PHF21B: variants seen among roughly 807,000 people sequenced by gnomAD.
PHF21B encodes PHD finger protein 21B, also known as PHD finger protein 4.
A neutral mutation model predicts 62.2 loss-of-function variants in PHF21B; 22 were observed. That is an observed-to-expected ratio of 0.35 (90% CI 0.25 to 0.51). The LOEUF is 0.51. Ranked by LOEUF, PHF21B falls within the 20% of genes least tolerant of loss-of-function variation. The pLI is 0.97. For missense variants in PHF21B, 701 were observed against 707.9 expected (o/e 0.99, Z 0.11); for synonymous variants, 341 against 314.7 (o/e 1.08, Z -0.88).
chr22:44,969,379 G>T (rs909773193), intron 2 of PHF21B, among the ~76,000 whole-genome samples: 124 of 152,338 alleles, frequency 8.1e-4, no homozygotes, highest in African/African-American at 2.6e-3. Flanking sequence ...CTGAAAAATG[G>T]AGCCGGCCGG....
Position 44,893,536 on chromosome 22 carries a change from G to T in PHF21B, c.884-3C>A. ...CTCCTGTCGCTTGCTCTGGATTTCT[G>T]GAAAGGCACAGACACAGCAGTTACT... On this transcript the variant is annotated splice_region_variant and splice_polypyrimidine_tract_variant and intron_variant, in intron 6 of 12. Coordinates refer to ENST00000313237, the MANE Select transcript of PHF21B (RefSeq NM_138415.5). The T allele has an allele frequency of 6.3e-7, 1 of 1,596,802 alleles. No individual in the cohort carries two copies. Among genetic ancestry groups the T allele is most frequent in the Admixed American group, 1.7e-5 (1 of 57,660 alleles).
At chr22:44,906,029 C>T (rs992386564) in intron 5 of PHF21B, among the ~76,000 whole-genome samples, 1 of 152,228 alleles carries the variant, frequency 6.6e-6, no homozygotes. Context: ...GTCAACTTGT[C>T]TCTTACCCAA....
intron 2 of PHF21B, among the ~76,000 whole-genome samples, chr22:44,978,605 C>T (rs942303507): frequency 2.6e-5 from 4 of 152,218 alleles, no homozygotes; most frequent in South Asian, 4.1e-4. Context: ...GTGATCCACC[C>T]GCCTCGGTCT....
At chr22:44,932,043 T>C (rs994496574) in intron 2 of PHF21B, among the ~76,000 whole-genome samples, 3 of 152,154 alleles carry the variant, frequency 2.0e-5, no homozygotes, top group African/African-American at 7.2e-5. Flanking sequence ...GACGCAGCCT[T>C]GAGGCCTTGG....
intron 10 of PHF21B, among the ~76,000 whole-genome samples, 200 bp from the exon 11 acceptor site, chr22:44,886,138 G>A (rs1318940953): frequency 6.6e-6 from 1 of 152,068 alleles, no homozygotes; most frequent in African/African-American, 2.4e-5. Flanking sequence ...GGAACATTCT[G>A]GGCCTCTCCC....
intron 2 of PHF21B, among the ~76,000 whole-genome samples, chr22:44,955,360 C>A (rs554679172): frequency 1.3e-5 from 2 of 152,222 alleles, no homozygotes; most frequent in Non-Finnish European, 1.5e-5. Context: ...GATGCACTCA[C>A]GGTCCTGTGA....
intron 2 of PHF21B, among the ~76,000 whole-genome samples, chr22:44,974,804 G>A (rs777679061): frequency 6.6e-6 from 1 of 152,218 alleles, no homozygotes; most frequent in African/African-American, 2.4e-5. Context: ...GACCAGGGTG[G>A]TATATGGAGA....
chr22:44,917,015 G>A (rs935667656), intron 3 of PHF21B, among the ~76,000 whole-genome samples: 3 of 152,236 alleles, frequency 2.0e-5, no homozygotes, highest in Non-Finnish European at 4.4e-5. Context: ...TCTGGAAAGC[G>A]CTGCCCCTCG....
chr22:44,904,980 GTTT>G (rs1181164122), intron 5 of PHF21B, among the ~76,000 whole-genome samples: 1 of 152,130 alleles, frequency 6.6e-6, no homozygotes, highest in Non-Finnish European at 1.5e-5. Flanking sequence ...TGCCCTGGTA[GTTT>G]TTTATGATTT....
chr22:44,914,762 G>C (rs1165751058), intron 4 of PHF21B, among the ~76,000 whole-genome samples: 2 of 152,234 alleles, frequency 1.3e-5, no homozygotes, highest in Non-Finnish European at 2.9e-5. Context: ...CCCTTAGCCA[G>C]CCTGCCTCGA....
chr22:44,937,369 G>A (rs1048452445), intron 2 of PHF21B, among the ~76,000 whole-genome samples: 4 of 152,208 alleles, frequency 2.6e-5, no homozygotes, highest in African/African-American at 9.6e-5. Flanking sequence ...CGGCCACCAG[G>A]TGTGAACACA....
intron 2 of PHF21B, among the ~76,000 whole-genome samples, chr22:44,942,123 C>G (rs1184280975): frequency 6.6e-6 from 1 of 152,222 alleles, no homozygotes; most frequent in African/African-American, 2.4e-5. Flanking sequence ...CCAGGCTCAG[C>G]ATCTGCCCTT....
intron 2 of PHF21B, among the ~76,000 whole-genome samples, chr22:44,943,379 C>T (rs1019241454): frequency 1.3e-4 from 20 of 152,170 alleles, no homozygotes; most frequent in African/African-American, 4.8e-4. Context: ...ACCCAAGCCC[C>T]TATTTTGTTT....
chr22:44,937,724 CCACGCCACGG>C (rs1414827681), intron 2 of PHF21B, among the ~76,000 whole-genome samples: 1 of 152,214 alleles, frequency 6.6e-6, no homozygotes, highest in South Asian at 2.1e-4. Context: ...TGTGGGACCC[CCACGCCACGG>C]GATGCCACTG....
At chr22:44,946,691 ACT>A (rs1196011354) in intron 2 of PHF21B, among the ~76,000 whole-genome samples, 1 of 151,208 alleles carries the variant, frequency 6.6e-6, no homozygotes, top group Non-Finnish European at 1.5e-5. Context: ...CCTGCAGAAG[ACT>A]CTCCTGCCTC....
At chr22:44,910,186 G>T (rs986279791) in intron 5 of PHF21B, among the ~76,000 whole-genome samples, 4 of 152,222 alleles carry the variant, frequency 2.6e-5, no homozygotes, top group African/African-American at 9.7e-5. Flanking sequence ...GGGGGTCCAG[G>T]GCGGGGTGCT....
At position 45,008,231 on chromosome 22, in the gene PHF21B, G is replaced by A. The variant is rs900906996; in HGVS notation, c.120+314C>T. On this transcript the variant is annotated intron_variant, in intron 2 of 12. Transcript: ENST00000313237. ...CATGGCCGCCTCAGCGCAAAGCGGG[G>A]GACTCCGAGCCGGGAGAAATCGCCA... 9 of 241,172 alleles carry A rather than the reference G, an allele frequency of 3.7e-5. 1 individual carries two copies. 14.9% of individuals were successfully genotyped at this position (241,172 alleles called of 1,614,324 possible).
chr22:44,973,637 G>A (rs188745647), intron 2 of PHF21B, among the ~76,000 whole-genome samples: 166 of 152,088 alleles, frequency 1.1e-3, no homozygotes, highest in African/African-American at 3.8e-3. Context: ...GGGTCTCCAA[G>A]TGAATACTGG....
At chr22:44,947,256 A>T (rs2072092896) in intron 2 of PHF21B, among the ~76,000 whole-genome samples, 2 of 146,624 alleles carry the variant, frequency 1.4e-5, no homozygotes, top group South Asian at 4.2e-4. Context: ...GTGTGTTGCC[A>T]TTCTGAGCAC....
Sources: allele counts gnomAD v4.1 joint callset (sites outside exome capture counted in the v4.1 genomes callset), GRCh38; gene constraint gnomAD v4.1.1; transcripts MANE v1.5; gene names NCBI Gene and HGNC (gene_info 2026-07-23, HGNC 2026-07-21).